EBF1: variants seen among roughly 807,000 people sequenced by gnomAD.
The protein encoded by EBF1 is transcription factor COE1.
In EBF1, 10 loss-of-function variants were observed where a neutral mutation model predicts 68.4. The ratio of observed to expected loss-of-function variants is 0.15; its 90% CI spans 0.09 to 0.25. EBF1 has a LOEUF of 0.25. EBF1 is among the 10% of genes least tolerant of loss of function. The probability of loss-of-function intolerance (pLI) is 1.00; values close to 1 mark genes in which losing one functional copy is unlikely to be tolerated. For synonymous variants in EBF1, 298 were observed against 299.8 expected (o/e 0.99, Z 0.06); for missense variants, 509 against 794.4 (o/e 0.64, Z 4.32).
chr5:159,001,886 C>CGGGG (rs1762612557), intron 6 of EBF1, among the ~76,000 whole-genome samples: 1 of 152,156 alleles, frequency 6.6e-6, no homozygotes, highest in African/African-American at 2.4e-5. Flanking sequence ...CTATCATTTC[C>CGGGG]TGAGGCCACC....
chr5:158,884,490 C>T (rs545168507), intron 6 of EBF1, among the ~76,000 whole-genome samples: 10 of 152,242 alleles, frequency 6.6e-5, no homozygotes, highest in African/African-American at 2.4e-4. Context: ...AAGCACCATG[C>T]TCACTGCTGA....
intron 11 of EBF1, among the ~76,000 whole-genome samples, chr5:158,728,585 C>G (rs566019117): frequency 1.7e-4 from 26 of 152,242 alleles, no homozygotes; most frequent in Admixed American, 1.7e-3. Context: ...TTCTTTGAGA[C>G]AGGGTCTTCT....
At chr5:159,051,220 A>G (rs534764511) in intron 6 of EBF1, among the ~76,000 whole-genome samples, 25 of 151,700 alleles carry the variant, frequency 1.6e-4, no homozygotes, top group South Asian at 1.5e-3. Context: ...TTTTATTTTA[A>G]TTCTCAAATA....
rs74607752 is a variant in EBF1 at position 159,072,597 on chromosome 5, C to T, written c.554+799G>A. 3.6e-3 allele frequency among the ~76,000 whole-genome samples: 549 copies of T among 152,236 alleles called. 1 individual carries two copies. Among genetic ancestry groups the T allele is most frequent in the African/African-American group, 0.013 (519 of 41,516 alleles). On this transcript the variant is annotated intron_variant, in intron 6 of 15. Coordinates refer to ENST00000313708, the MANE Select transcript of EBF1 (RefSeq NM_024007.5). ...CTGACAATTGACAGTATCTATAAAC[C>T]TTCCAGGCCATTTAACTCTCAATGA... is the stretch of plus-strand genomic sequence containing the variant.
chr5:158,721,265 C>T (rs1251536938), intron 11 of EBF1, among the ~76,000 whole-genome samples: 1 of 152,088 alleles, frequency 6.6e-6, no homozygotes, highest in Admixed American at 6.6e-5. Flanking sequence ...AAAGCCTTGC[C>T]TTTGTTAAAA....
In EBF1 at chr5:158,975,234, C is replaced by A. The variant is rs371606471; in HGVS notation, c.554+98162G>T. On this transcript the variant is annotated intron_variant, in intron 6 of 15. Transcript: ENST00000313708. ...TCTCACATTAAAACCCAGTCTCCTACACCTCCTGTATCTCTTTCCATAGTC... is the reference window on the plus strand; with the variant it reads ...TCTCACATTAAAACCCAGTCTCCTAAACCTCCTGTATCTCTTTCCATAGTC... 7.9e-5 allele frequency among the ~76,000 whole-genome samples: 12 copies of A among 152,346 alleles called. No homozygotes were observed. The East Asian group carries it at 1.2e-3, about 15-fold the overall frequency.
At chr5:159,029,999 T>A (rs1280003625) in intron 6 of EBF1, among the ~76,000 whole-genome samples, 1 of 151,758 alleles carries the variant, frequency 6.6e-6, no homozygotes, top group Admixed American at 6.6e-5. Flanking sequence ...TTCATCAGTA[T>A]TATTTGTAAA....
intron 6 of EBF1, among the ~76,000 whole-genome samples, chr5:158,929,330 T>C (rs1292449401): frequency 6.6e-6 from 1 of 152,214 alleles, no homozygotes; most frequent in African/African-American, 2.4e-5. Flanking sequence ...AAAGCTTCTT[T>C]AGAATTAGTG....
In EBF1 at chr5:158,698,903, A is replaced by G. The variant is rs553372898; in HGVS notation, c.*208T>C. ...TATCCCCCAAATACTTGGGAGGTAC[A>G]ACTTTAACCAACACCCTGCACTTGC... is the stretch of plus-strand genomic sequence containing the variant. On this transcript the variant is annotated 3_prime_UTR_variant, in exon 16 of 16. Coordinates refer to ENST00000313708, the MANE Select transcript of EBF1 (RefSeq NM_024007.5). 81 of 451,478 alleles carry G rather than the reference A, an allele frequency of 1.8e-4. No individual in the cohort carries two copies. Among genetic ancestry groups the G allele is most frequent in the Non-Finnish European group, 2.7e-4 (69 of 253,590 alleles). The allele number at this position is 451,478 out of a possible 1,614,324, so 28.0% of individuals were successfully genotyped here. A position where few individuals can be genotyped will look rare whatever the true frequency, so the allele number is the denominator to read the frequency against.
intron 6 of EBF1, among the ~76,000 whole-genome samples, chr5:158,936,589 T>C (rs1360415594): frequency 4.6e-5 from 7 of 152,190 alleles, no homozygotes; most frequent in African/African-American, 1.2e-4. Flanking sequence ...CCTTCCCACA[T>C]TTGCAAGCTC....
At chr5:159,069,120 G>A (rs1777371302) in intron 6 of EBF1, among the ~76,000 whole-genome samples, 1 of 151,882 alleles carries the variant, frequency 6.6e-6, no homozygotes, top group African/African-American at 2.4e-5. Flanking sequence ...GGTTACTGGA[G>A]CTACATTATA....
intron 6 of EBF1, among the ~76,000 whole-genome samples, chr5:158,907,011 C>A (rs1184866045): frequency 6.6e-6 from 1 of 152,178 alleles, no homozygotes; most frequent in African/African-American, 2.4e-5. Flanking sequence ...TGATGAGCAC[C>A]TATGTGCCCA....
chr5:158,792,177 T>C (rs374214409), intron 9 of EBF1, among the ~76,000 whole-genome samples: 1 of 152,188 alleles, frequency 6.6e-6, no homozygotes, highest in Non-Finnish European at 1.5e-5. Context: ...AAAAGACTTT[T>C]AGAGTAGGAC....
In EBF1 at chr5:158,897,956, C is replaced by A. The variant is rs914623288; in HGVS notation, c.555-57846G>T. Among the ~76,000 whole-genome samples the A allele has an allele frequency of 2.0e-5, 3 of 152,050 alleles. No individual in the cohort carries two copies. The East Asian group carries it at 5.8e-4, about 29-fold the overall frequency. ...GAGACAATGCACAAAGGGTACTGGG[C>A]GAGGCATCTAGAGGGCTCAACAAAT... On this transcript the variant is annotated intron_variant, in intron 6 of 15. Coordinates refer to ENST00000313708, the MANE Select transcript of EBF1 (RefSeq NM_024007.5).
At chr5:159,003,132 T>G (rs1000202242) in intron 6 of EBF1, among the ~76,000 whole-genome samples, 5 of 152,214 alleles carry the variant, frequency 3.3e-5, no homozygotes, top group Admixed American at 3.3e-4. Flanking sequence ...ACTGGCATCT[T>G]TATCTTTCTG....
intron 6 of EBF1, among the ~76,000 whole-genome samples, chr5:158,927,654 C>A (rs1377802800): frequency 6.6e-6 from 1 of 152,182 alleles, no homozygotes; most frequent in Non-Finnish European, 1.5e-5. Context: ...ATATTGGCAG[C>A]CAAGTTCCCA....
At chr5:159,005,658 TA>T (rs202113947) in intron 6 of EBF1, among the ~76,000 whole-genome samples, 14 of 152,032 alleles carry the variant, frequency 9.2e-5, no homozygotes, top group African/African-American at 2.2e-4. Context: ...CTTTTCTGCA[TA>T]AAAAAAACCA....
At chr5:158,830,346 C>T in intron 7 of EBF1, among the ~76,000 whole-genome samples, 1 of 152,096 alleles carries the variant, frequency 6.6e-6, no homozygotes, top group Non-Finnish European at 1.5e-5. Context: ...TCTCGGCTCA[C>T]AGCAACCTCT....
At chr5:159,015,351 C>A (rs1765434496) in intron 6 of EBF1, among the ~76,000 whole-genome samples, 1 of 152,212 alleles carries the variant, frequency 6.6e-6, no homozygotes, top group Admixed American at 6.5e-5. Flanking sequence ...GTATTCCCTG[C>A]AACAACCAGG....
Sources: gnomAD v4.1 joint callset for allele counts (sites outside exome capture counted in the v4.1 genomes callset) on GRCh38, gnomAD v4.1.1 for gene constraint, MANE v1.5 for transcripts, NCBI Gene and HGNC (gene_info 2026-07-23, HGNC 2026-07-21) for gene names.